METAP1: variants seen among roughly 807,000 people sequenced by gnomAD.
The protein encoded by METAP1 is methionine aminopeptidase 1.
A neutral mutation model predicts 53.8 loss-of-function variants in METAP1; 28 were observed. The ratio of observed to expected loss-of-function variants is 0.52; its 90% CI spans 0.39 to 0.71. The LOEUF is 0.71. Ranked by LOEUF, METAP1 falls within the 30% of genes least tolerant of loss-of-function variation. METAP1 has a pLI of 0.00. For missense variants in METAP1, 389 were observed against 479.8 expected, an observed-to-expected ratio of 0.81 and a Z score of 1.77; for synonymous variants, 181 against 165.7, an observed-to-expected ratio of 1.09 and a Z score of -0.71.
intron 2 of METAP1, among the ~76,000 whole-genome samples, chr4:99,032,186 A>G (rs564282322): frequency 6.6e-6 from 1 of 150,856 alleles, no homozygotes; most frequent in East Asian, 2.0e-4. Flanking sequence ...GTTTTGGGTT[A>G]TATTATTTGT....
At chr4:99,039,217 T>G in intron 4 of METAP1, 157 bp from the exon 5 acceptor site, 1 of 457,914 alleles carries the variant, frequency 2.2e-6, no homozygotes, top group Non-Finnish European at 3.8e-6. Context: ...TTGAAAATGT[T>G]TTTTTTTAAA....
At chr4:99,041,909 C>G (rs575523372) in intron 6 of METAP1, among the ~76,000 whole-genome samples, 68 of 151,694 alleles carry the variant, frequency 4.5e-4, no homozygotes, top group Admixed American at 1.6e-3. Context: ...TTAATCCTGA[C>G]TTTTGGGTAT....
intron 1 of METAP1, among the ~76,000 whole-genome samples, chr4:99,020,652 A>G (rs986350863): frequency 6.6e-6 from 1 of 152,148 alleles, no homozygotes; most frequent in Admixed American, 6.5e-5. Context: ...TAGGGGATAA[A>G]GAGAAACTGG....
chr4:99,013,773 A>T (rs115813368), intron 1 of METAP1, among the ~76,000 whole-genome samples: 1,890 of 152,368 alleles, frequency 0.012, 40 homozygotes, highest in African/African-American at 0.043. Flanking sequence ...AATGGCATGT[A>T]TCCTGATCTG....
intron 2 of METAP1, 32 bp from the exon 3 acceptor site, chr4:99,034,198 C>T (rs1364578858): frequency 7.7e-7 from 1 of 1,292,208 alleles, no homozygotes; most frequent in Admixed American, 2.0e-5. Context: ...CCTTCTCCTC[C>T]TTCCTCTCAT....
intron 9 of METAP1, among the ~76,000 whole-genome samples, chr4:99,057,091 C>G (rs1012708212): frequency 6.6e-6 from 1 of 152,188 alleles, no homozygotes; most frequent in African/African-American, 2.4e-5. Context: ...TCTCAAACTC[C>G]TGACCTGCCT....
chr4:99,045,848 C>G (rs894355807), intron 8 of METAP1, among the ~76,000 whole-genome samples: 1 of 152,118 alleles, frequency 6.6e-6, no homozygotes, highest in African/African-American at 2.4e-5. Context: ...TGTAACTGGG[C>G]TGTTTTTTCA....
At chr4:99,030,675 A>G (rs1169190573) in intron 2 of METAP1, among the ~76,000 whole-genome samples, 1 of 152,166 alleles carries the variant, frequency 6.6e-6, no homozygotes, top group Non-Finnish European at 1.5e-5. Context: ...AGAATGTTGC[A>G]CTAGGAAGGA....
Position 99,061,552 on chromosome 4 carries a change from T to C in METAP1, c.*235T>C, listed in dbSNP as rs918509732. On this transcript the variant is annotated 3_prime_UTR_variant, in exon 11 of 11. Transcript: ENST00000296411. ...GCCCCCTCCCCCTGCACACCTGTTT[T>C]CTCATTTGCCCTTTGAGCACTTTTA... 1.4e-5 allele frequency: 5 copies of C among 361,772 alleles called. No individual in the cohort carries two copies. In the Admixed American group the frequency reaches 1.9e-4, roughly 14 times the overall value. 22.4% of individuals were successfully genotyped at this position (361,772 alleles called of 1,614,324 possible). A position where few individuals can be genotyped will look rare whatever the true frequency, so the allele number is the denominator to read the frequency against.
chr4:99,042,219 A>C (rs187247775), intron 6 of METAP1, among the ~76,000 whole-genome samples: 84 of 152,096 alleles, frequency 5.5e-4, no homozygotes, highest in African/African-American at 1.9e-3. Context: ...AGAAGTAGAG[A>C]AGTATATTCC....
intron 1 of METAP1, among the ~76,000 whole-genome samples, chr4:99,020,807 T>C (rs1186695910): frequency 6.6e-6 from 1 of 152,240 alleles, no homozygotes; most frequent in African/African-American, 2.4e-5. Flanking sequence ...AAATTGGCTC[T>C]TGGGTCCACA....
chr4:99,053,761 T>C (rs748905398), intron 9 of METAP1, among the ~76,000 whole-genome samples: 31 of 152,234 alleles, frequency 2.0e-4, no homozygotes, highest in Non-Finnish European at 4.1e-4. Flanking sequence ...CCAACATTCA[T>C]CTCCTTGTAC....
intron 9 of METAP1, among the ~76,000 whole-genome samples, chr4:99,049,603 G>C (rs1726538327): frequency 6.6e-6 from 1 of 152,132 alleles, no homozygotes; most frequent in African/African-American, 2.4e-5. Context: ...AGAGAGAGAA[G>C]AACATGTTCA....
chr4:99,026,600 G>A (rs1380742049), intron 1 of METAP1: 1 of 985,276 alleles, frequency 1.0e-6, no homozygotes, highest in Non-Finnish European at 1.2e-6. Flanking sequence ...TGTTAGAGAT[G>A]AGGAGGGAAA....
At chr4:99,027,730 T>G (rs1015950163) in intron 1 of METAP1, among the ~76,000 whole-genome samples, 2 of 152,168 alleles carry the variant, frequency 1.3e-5, no homozygotes, top group African/African-American at 4.8e-5. Context: ...TGTAGATACC[T>G]TTTTATACAT....
chr4:99,002,285 G>A (rs7667503), intron 1 of METAP1, among the ~76,000 whole-genome samples: 8,769 of 152,210 alleles, frequency 0.058, 865 homozygotes, highest in African/African-American at 0.2. Flanking sequence ...AACACTTTTA[G>A]ATAGATATTA....
chr4:99,060,033 G>C (rs1727427531), intron 10 of METAP1, among the ~76,000 whole-genome samples: 1 of 152,138 alleles, frequency 6.6e-6, no homozygotes, highest in South Asian at 2.1e-4. Context: ...AATATATGCT[G>C]AGTATAGTTT....
At chr4:99,059,968 T>C (rs187850813) in intron 10 of METAP1, among the ~76,000 whole-genome samples, 1 of 152,216 alleles carries the variant, frequency 6.6e-6, no homozygotes, top group African/African-American at 2.4e-5. Flanking sequence ...TTTGAAATTA[T>C]ATCAGGAATT....
At chr4:99,048,597 T>C in intron 8 of METAP1, 136 bp from the exon 9 acceptor site, 2 of 939,448 alleles carry the variant, frequency 2.1e-6, no homozygotes, top group Non-Finnish European at 3.2e-6. Flanking sequence ...CTTGAACTCC[T>C]GAGCTCAGGC....
Sources: gnomAD v4.1 joint callset for allele counts (sites outside exome capture counted in the v4.1 genomes callset) on GRCh38, gnomAD v4.1.1 for gene constraint, MANE v1.5 for transcripts, NCBI Gene and HGNC (gene_info 2026-07-23, HGNC 2026-07-21) for gene names.